Variants in CDH9 observed in about 807,000 individuals in gnomAD.
The protein encoded by CDH9 is cadherin-9.
CDH9 carries 28 observed loss-of-function variants against 70.9 expected under a neutral mutation model. The ratio of observed to expected loss-of-function variants is 0.40; its 90% confidence interval spans 0.29 to 0.54. The LOEUF is 0.54. Among genes scored for constraint, CDH9 ranks in the 20% least tolerant of loss-of-function variants. The pLI is 0.59. For synonymous variants in CDH9, 409 were observed against 343.1 expected (o/e 1.19, Z -2.12); for missense variants, 874 against 984.4 (o/e 0.89, Z 1.50).
At chr5:27,034,427 T>C (rs937886674) in intron 1 of CDH9, among the ~76,000 whole-genome samples, 1 of 151,770 alleles carries the variant, frequency 6.6e-6, no homozygotes, top group Non-Finnish European at 1.5e-5. Context: ...AGAATGCTTA[T>C]TTCTCCTGCA....
chr5:26,885,686 C>T lies in CDH9; in HGVS notation c.1810G>A (p.Ala604Thr), dbSNP rs147997829. The T allele has an allele frequency of 1.3e-3, 2,028 of 1,613,696 alleles. No homozygotes were observed. The highest frequency in any genetic ancestry group is 1.6e-3 in the Non-Finnish European group (1,926 of 1,179,832). ...CTCAGGCCGGCTGAAAGGATCAGGG[C>T]TTCTGCGGTGCAGGATTGCATGTTT... ...QGNMQSCTAEALILSAGLSTG... is the reference protein window; with the variant it reads ...QGNMQSCTAETLILSAGLSTG... Residue 604 changes from alanine to threonine, a missense_variant, in exon 11 of 12, where the codon GCC becomes ACC. Coordinates refer to ENST00000231021, the MANE Select transcript of CDH9 (RefSeq NM_016279.4).
chr5:26,922,026 CAAAA>C (rs3071199), intron 2 of CDH9, among the ~76,000 whole-genome samples: 2 of 125,380 alleles, frequency 1.6e-5, no homozygotes, highest in Non-Finnish European at 1.8e-5. Flanking sequence ...CAAAATAGTC[CAAAA>C]AAAAAAAAAA....
At chr5:26,956,770 T>C (rs2112054959) in intron 2 of CDH9, among the ~76,000 whole-genome samples, 1 of 152,304 alleles carries the variant, frequency 6.6e-6, no homozygotes, top group Admixed American at 6.5e-5. Flanking sequence ...AGCTAATACA[T>C]CTCTATTGAT....
chr5:26,952,901 CAAAAAA>C (rs70939788), intron 2 of CDH9, among the ~76,000 whole-genome samples: 8 of 105,284 alleles, frequency 7.6e-5, no homozygotes, highest in Admixed American at 9.6e-5. Flanking sequence ...GTTTCTATTC[CAAAAAA>C]AAAAAAAAAA....
intron 1 of CDH9, among the ~76,000 whole-genome samples, chr5:27,027,525 A>G (rs775042988): frequency 2.6e-5 from 4 of 152,124 alleles, no homozygotes; most frequent in South Asian, 2.1e-4. Context: ...TACTGCTAAT[A>G]TCTTAGTTTT....
intron 1 of CDH9, among the ~76,000 whole-genome samples, chr5:27,008,059 G>A: frequency 6.6e-6 from 1 of 152,096 alleles, no homozygotes; most frequent in East Asian, 1.9e-4. Flanking sequence ...AGTAAACCTG[G>A]AATGAGGAGA....
chr5:26,944,300 A>G (rs1741709957), intron 2 of CDH9, among the ~76,000 whole-genome samples: 1 of 150,374 alleles, frequency 6.7e-6, no homozygotes, highest in Non-Finnish European at 1.5e-5. Flanking sequence ...ACTCTTTTCT[A>G]TAAAGACAGT....
intron 1 of CDH9, among the ~76,000 whole-genome samples, chr5:27,021,034 T>A (rs1743129494): frequency 1.3e-5 from 2 of 151,606 alleles, no homozygotes. Context: ...TACTTTCTTT[T>A]GAAAACTGAT....
At chr5:26,963,108 GTTA>G (rs372365018) in intron 2 of CDH9, among the ~76,000 whole-genome samples, 39 of 152,258 alleles carry the variant, frequency 2.6e-4, no homozygotes, top group African/African-American at 8.9e-4. Context: ...TAAATACTGA[GTTA>G]TTATTAATCA....
chr5:26,950,733 TA>T (rs1741830641), intron 2 of CDH9, among the ~76,000 whole-genome samples: 1 of 152,144 alleles, frequency 6.6e-6, no homozygotes, highest in Non-Finnish European at 1.5e-5. Flanking sequence ...ATTACACTGA[TA>T]AAATAATATT....
intron 2 of CDH9, among the ~76,000 whole-genome samples, chr5:26,977,491 A>ATATATATATATATATATATG (rs997015830): frequency 1.4e-5 from 2 of 141,834 alleles, no homozygotes; most frequent in African/African-American, 6.1e-5. Flanking sequence ...GTGTGTATAT[A>ATATATATATATATATATATG]TATATATATA....
At chr5:26,895,005 C>A (rs932470293) in intron 7 of CDH9, among the ~76,000 whole-genome samples, 1 of 151,986 alleles carries the variant, frequency 6.6e-6, no homozygotes, top group African/African-American at 2.4e-5. Flanking sequence ...AAGCATGTAT[C>A]ATATATCTAT....
chr5:26,954,251 T>C (rs918081636), intron 2 of CDH9, among the ~76,000 whole-genome samples: 2 of 152,134 alleles, frequency 1.3e-5, no homozygotes, highest in South Asian at 2.1e-4. Context: ...TTAATGTTCA[T>C]TTCTTTCTGT....
chr5:26,934,937 A>G (rs2112028470), intron 2 of CDH9, among the ~76,000 whole-genome samples: 1 of 152,178 alleles, frequency 6.6e-6, no homozygotes, highest in African/African-American at 2.4e-5. Flanking sequence ...GATACTGAAA[A>G]AAAAAAAACA....
intron 2 of CDH9, among the ~76,000 whole-genome samples, chr5:26,948,402 C>A (rs73073553): frequency 0.024 from 3,718 of 152,286 alleles, 169 homozygotes; most frequent in African/African-American, 0.085. Flanking sequence ...CCAATATCAA[C>A]AGAAGAAACA....
chr5:26,956,123 G>A (rs1214933833), intron 2 of CDH9, among the ~76,000 whole-genome samples: 2 of 152,136 alleles, frequency 1.3e-5, no homozygotes, highest in African/African-American at 4.8e-5. Flanking sequence ...ATTTGGAATT[G>A]TAGCTGTCAT....
intron 1 of CDH9, among the ~76,000 whole-genome samples, chr5:27,001,656 A>C (rs1424628149): frequency 6.6e-6 from 1 of 152,136 alleles, no homozygotes; most frequent in Non-Finnish European, 1.5e-5. Context: ...GATAGCCTAA[A>C]AGCAATGTCA....
intron 2 of CDH9, among the ~76,000 whole-genome samples, chr5:26,971,307 G>C (rs994240318): frequency 6.6e-6 from 1 of 152,102 alleles, no homozygotes; most frequent in East Asian, 1.9e-4. Context: ...GAATACAAAC[G>C]AAGGTTTTAG....
intron 3 of CDH9, among the ~76,000 whole-genome samples, chr5:26,912,198 T>C (rs1228394824): frequency 6.6e-6 from 1 of 152,080 alleles, no homozygotes; most frequent in East Asian, 1.9e-4. Context: ...TGTGTATTAT[T>C]TATAGATGTA....
Sources: gnomAD v4.1 joint callset for allele counts (sites outside exome capture counted in the v4.1 genomes callset) on GRCh38, gnomAD v4.1.1 for gene constraint, MANE v1.5 for transcripts, NCBI Gene and HGNC (gene_info 2026-07-23, HGNC 2026-07-21) for gene names.